The following SYNE2 variants were observed in gnomAD, a reference collection of about 807,000 sequenced individuals.
SYNE2 encodes spectrin repeat containing nuclear envelope protein 2.
A neutral mutation model predicts 856.3 loss-of-function variants in SYNE2; 431 were observed. That is an observed-to-expected ratio of 0.50 (90% CI 0.47 to 0.55). The LOEUF (loss-of-function observed/expected upper bound fraction) is 0.55, where lower values mean the gene tolerates loss of function less well. Ranked by LOEUF, SYNE2 falls within the 20% of genes least tolerant of loss-of-function variation. SYNE2 has a pLI of 0.00. For missense variants in SYNE2, 8,129 were observed against 8,023.2 expected, an observed-to-expected ratio of 1.01 and a Z score of -0.50; for synonymous variants, 2,923 against 2,872.3, an observed-to-expected ratio of 1.02 and a Z score of -0.56.
chr14:63,822,930 C>T (rs959524532), intron 1 of SYNE2, among the ~76,000 whole-genome samples: 1 of 151,768 alleles, frequency 6.6e-6, no homozygotes, highest in African/African-American at 2.4e-5. Flanking sequence ...ATAGTGAGAC[C>T]CCATCTCTAT....
Position 63,976,628 on chromosome 14 carries a change from G to T in SYNE2, c.1194G>T (p.Trp398Cys). ...CACCCCTCCATCAAACTGAAGCTTG[G>T]CTCCAGGAGGTAGAAGAGCTTATGG... ...LPPPLHQTEA[W>C]LQEVEELMDE... Residue 398 changes from tryptophan (W) to cysteine (C), a missense_variant, in exon 12 of 116, where the codon TGG (tryptophan) becomes TGT (cysteine). Trp to Cys is a radical substitution (Grantham distance 215, BLOSUM62 -2). Coordinates refer to ENST00000555002, the MANE Select transcript of SYNE2 (RefSeq NM_182914.3). The T allele has an allele frequency of 6.2e-7, 1 of 1,610,670 alleles. No homozygotes were observed. Among genetic ancestry groups the T allele is most frequent in the Non-Finnish European group, 8.5e-7 (1 of 1,179,664 alleles).
chr14:63,798,030 G>A (rs1465347077), intron 1 of SYNE2, among the ~76,000 whole-genome samples: 4 of 152,126 alleles, frequency 2.6e-5, no homozygotes, highest in African/African-American at 7.2e-5. Context: ...TTTGATCTAG[G>A]TTAGCATATT....
chr14:63,795,125 G>A (rs1020706469), intron 1 of SYNE2, among the ~76,000 whole-genome samples: 6 of 152,050 alleles, frequency 3.9e-5, no homozygotes, highest in African/African-American at 1.4e-4. Flanking sequence ...AATACTGAGT[G>A]TCAACTTGAT....
intron 63 of SYNE2, among the ~76,000 whole-genome samples, chr14:64,100,556 A>T (rs1488588226): frequency 3.2e-5 from 4 of 124,896 alleles, no homozygotes; most frequent in Non-Finnish European, 4.9e-5. Context: ...ATATATATAT[A>T]TATATATATA....
Position 64,081,441 on chromosome 14 carries a change from A to C in SYNE2, c.11347-2A>C. 1 of 1,614,128 alleles carries C rather than the reference A, an allele frequency of 6.2e-7. No homozygotes were observed. The highest frequency in any genetic ancestry group is 1.1e-5 in the South Asian group (1 of 91,082). Reference sequence around the variant, plus strand: ...AAGTTTGGTCCTGCATCTCTTTCCCAGGCCACAGTTAAGATGGAGGAATAT... The same window carrying C: ...AAGTTTGGTCCTGCATCTCTTTCCCCGGCCACAGTTAAGATGGAGGAATAT... On this transcript the variant is annotated splice_acceptor_variant, in intron 56 of 115. Coordinates refer to ENST00000555002, the MANE Select transcript of SYNE2 (RefSeq NM_182914.3). LOFTEE classifies it high-confidence loss of function.
rs575324142 is a variant in SYNE2, at chr14:63,803,397, C to T, written c.-305+41411C>T. On this transcript the variant is annotated intron_variant, in intron 1 of 23. Transcript: ENST00000674003. The stretch of plus-strand genomic sequence containing the variant: ...CTCAGGCATGGCGGGCTGCAGGTCC[C>T]GAGCCCTGCCCCGCAGAAAGGCAGC... 6.6e-5 allele frequency among the ~76,000 whole-genome samples: 10 copies of T among 152,306 alleles called. No individual in the cohort carries two copies. The East Asian group carries it at 1.9e-3, about 29-fold the overall frequency.
chr14:63,782,521 G>A (rs1887357824), intron 1 of SYNE2, among the ~76,000 whole-genome samples: 3 of 125,178 alleles, frequency 2.4e-5, no homozygotes, highest in Admixed American at 7.9e-5. Flanking sequence ...AGGGACAAAA[G>A]ATCTAACTTG....
chr14:64,117,892 G>A (rs1396350511), intron 66 of SYNE2, among the ~76,000 whole-genome samples: 2 of 152,170 alleles, frequency 1.3e-5, no homozygotes, highest in Non-Finnish European at 2.9e-5. Flanking sequence ...GATGGAGCAG[G>A]ATGGTGTGCA....
chr14:63,996,101 C>T (rs971594005), intron 23 of SYNE2, among the ~76,000 whole-genome samples: 25 of 152,184 alleles, frequency 1.6e-4, no homozygotes, highest in African/African-American at 6.0e-4. Context: ...AAGCTCAAAA[C>T]TGAACGAATA....
intron 66 of SYNE2, among the ~76,000 whole-genome samples, chr14:64,115,835 C>T (rs548541327): frequency 1.3e-5 from 2 of 152,104 alleles, no homozygotes; most frequent in South Asian, 4.2e-4. Flanking sequence ...GGAAAAATGG[C>T]CAAAGGACAG....
intron 50 of SYNE2, 34 bp downstream of exon 50, chr14:64,062,929 G>T: frequency 6.2e-7 from 1 of 1,613,854 alleles, no homozygotes; most frequent in South Asian, 1.1e-5. Flanking sequence ...GTAAGTCTGT[G>T]TGCAAAAAAT....
At chr14:63,948,617 C>T (rs1225653627) in intron 6 of SYNE2, among the ~76,000 whole-genome samples, 1 of 148,498 alleles carries the variant, frequency 6.7e-6, no homozygotes, top group Non-Finnish European at 1.5e-5. Flanking sequence ...GCCGAGATTG[C>T]ACCACTGCCC....
chr14:63,958,885 A>G (rs557002132), intron 8 of SYNE2, among the ~76,000 whole-genome samples: 1 of 152,210 alleles, frequency 6.6e-6, no homozygotes, highest in Non-Finnish European at 1.5e-5. Context: ...TCAATTTTTT[A>G]AAAAGTCCTC....
At chr14:63,879,007 A>G (rs1486096816) in intron 1 of SYNE2, among the ~76,000 whole-genome samples, 1 of 152,168 alleles carries the variant, frequency 6.6e-6, no homozygotes, top group Non-Finnish European at 1.5e-5. Context: ...GCTTGAGGCC[A>G]AGACCAGACT....
rs1160819887 is a variant in SYNE2 at position 63,924,834 on chromosome 14, G to GTT, written c.79+15635_79+15636dup. Among the ~76,000 whole-genome samples the GTT allele has an allele frequency of 1.1e-3, 60 of 56,440 alleles. 2 individuals are homozygous for GTT. Among genetic ancestry groups the GTT allele is most frequent in the East Asian group, 2.2e-3 (5 of 2,320 alleles). 37.0% of individuals were successfully genotyped at this position (56,440 alleles called of 152,430 possible). On this transcript the variant is annotated intron_variant, in intron 2 of 115. Transcript: ENST00000555002. ...TAACTTTTTTCCTTCCAGCCTTGGTGTTTTTTTTTTTTTTTTTTTTTTTTT... is the reference window on the plus strand; with the variant it reads ...TAACTTTTTTCCTTCCAGCCTTGGTGTTTTTTTTTTTTTTTTTTTTTTTTTTT...
intron 1 of SYNE2, among the ~76,000 whole-genome samples, chr14:63,873,265 C>T (rs1306919885): frequency 6.6e-6 from 1 of 151,424 alleles, no homozygotes; most frequent in Non-Finnish European, 1.5e-5. Flanking sequence ...TAGATATAAA[C>T]ATATTTCTTT....
chr14:64,007,849 A>G (rs1362909639), intron 31 of SYNE2, among the ~76,000 whole-genome samples: 1 of 152,154 alleles, frequency 6.6e-6, no homozygotes, highest in East Asian at 1.9e-4. Flanking sequence ...CATCTCTAAA[A>G]AACATAAAAA....
In SYNE2 at chr14:64,216,310, C is replaced by T. The variant is rs368086299; in HGVS notation, c.19465C>T (p.His6489Tyr). 57 of 1,614,084 alleles carry T rather than the reference C, an allele frequency of 3.5e-5. No individual in the cohort carries two copies. Among genetic ancestry groups the T allele is most frequent in the Non-Finnish European group, 4.3e-5 (51 of 1,180,052 alleles). The change falls in exon 108 of 116, where the codon CAC becomes TAC. Residue 6489 changes from histidine to tyrosine, a missense_variant. His to Tyr is a moderately conservative substitution (Grantham distance 83, BLOSUM62 2). Coordinates refer to ENST00000555002, the MANE Select transcript of SYNE2 (RefSeq NM_182914.3). ...VPDSPSCPEHHYKQMEGDRNV... is the reference protein window; with the variant it reads ...VPDSPSCPEHYYKQMEGDRNV... ...CGACAGCCCTTCCTGTCCCGAGCAT[C>T]ACTACAAGCAAATGGAAGGTGACAG...
chr14:63,807,577 C>G (rs1397502177), intron 1 of SYNE2, among the ~76,000 whole-genome samples: 1 of 151,174 alleles, frequency 6.6e-6, no homozygotes, highest in Non-Finnish European at 1.5e-5. Context: ...TTGTATAAAA[C>G]TAGAAATTGG....
Sources: gnomAD v4.1 joint callset for allele counts (sites outside exome capture counted in the v4.1 genomes callset) on GRCh38, gnomAD v4.1.1 for gene constraint, MANE v1.5 for transcripts, NCBI Gene and HGNC (gene_info 2026-07-23, HGNC 2026-07-21) for gene names.